DLGAP2: variants seen among roughly 807,000 people sequenced by gnomAD.
DLGAP2 encodes DLG associated protein 2.
A neutral mutation model predicts 100.3 loss-of-function variants in DLGAP2; 26 were observed. The ratio of observed to expected loss-of-function variants is 0.26; its 90% CI spans 0.19 to 0.36. DLGAP2 has a LOEUF of 0.36. Ranked by LOEUF, DLGAP2 falls within the 10% of genes least tolerant of loss-of-function variation. DLGAP2 has a pLI of 1.00. For synonymous variants in DLGAP2, 886 were observed against 630.1 expected (o/e 1.41, Z -6.08); for missense variants, 1,858 against 1,453.2 (o/e 1.28, Z -4.53).
intron 3 of DLGAP2, among the ~76,000 whole-genome samples, chr8:1,410,894 G>C (rs76057211): frequency 4.0e-5 from 6 of 151,046 alleles, no homozygotes; most frequent in African/African-American, 1.5e-4. Context: ...AAGGAAGGCT[G>C]AGCTCCTGGT....
chr8:1,672,214 G>T (rs1360419717), intron 10 of DLGAP2, among the ~76,000 whole-genome samples: 9 of 145,666 alleles, frequency 6.2e-5, no homozygotes, highest in African/African-American at 1.3e-4. Flanking sequence ...TTTTGTTGTT[G>T]TTTTTTATTT....
intron 3 of DLGAP2, among the ~76,000 whole-genome samples, chr8:1,477,863 G>C (rs1392017450): frequency 6.6e-6 from 1 of 151,764 alleles, no homozygotes; most frequent in East Asian, 1.9e-4. Context: ...CCTGATTCCA[G>C]ATGCCGGTGT....
intron 2 of DLGAP2, among the ~76,000 whole-genome samples, chr8:1,052,037 C>T (rs201816001): frequency 2.0e-5 from 3 of 152,182 alleles, no homozygotes; most frequent in Non-Finnish European, 2.9e-5. Context: ...AGGGAGAAAC[C>T]AGGCTCAACA....
intron 3 of DLGAP2, among the ~76,000 whole-genome samples, chr8:1,486,674 A>C (rs1308550766): frequency 6.6e-6 from 1 of 152,208 alleles, no homozygotes; most frequent in Non-Finnish European, 1.5e-5. Flanking sequence ...CCAACTCTAA[A>C]TAATATCTTA....
chr8:1,312,819 T>C (rs1315474268), intron 3 of DLGAP2, among the ~76,000 whole-genome samples: 1 of 152,136 alleles, frequency 6.6e-6, no homozygotes, highest in African/African-American at 2.4e-5. Flanking sequence ...GCAGGGTTTG[T>C]AGGAATGAAA....
At chr8:1,672,897 G>A (rs1165008105) in intron 10 of DLGAP2, among the ~76,000 whole-genome samples, 1 of 152,144 alleles carries the variant, frequency 6.6e-6, no homozygotes, top group African/African-American at 2.4e-5. Flanking sequence ...CTTGTTGGGA[G>A]AGCAAAGATT....
intron 3 of DLGAP2, among the ~76,000 whole-genome samples, chr8:1,261,915 G>A (rs1799358137): frequency 6.6e-6 from 1 of 152,208 alleles, no homozygotes; most frequent in Non-Finnish European, 1.5e-5. Context: ...CCAGAGGCTG[G>A]TGGCAGCGTG....
intron 2 of DLGAP2, among the ~76,000 whole-genome samples, chr8:941,712 C>T (rs574469578): frequency 1.1e-4 from 17 of 152,254 alleles, no homozygotes; most frequent in Middle Eastern, 6.8e-3. Flanking sequence ...ATTCTTTGTG[C>T]GGCTTTCTTT....
chr8:1,166,492 T>A (rs1162819185), intron 2 of DLGAP2, among the ~76,000 whole-genome samples: 2 of 152,254 alleles, frequency 1.3e-5, no homozygotes, highest in Non-Finnish European at 2.9e-5. Flanking sequence ...GTTTGATTTT[T>A]CTCCTCCTTT....
intron 2 of DLGAP2, among the ~76,000 whole-genome samples, chr8:1,055,878 A>G (rs1042874461): frequency 6.6e-6 from 1 of 152,156 alleles, no homozygotes; most frequent in East Asian, 1.9e-4. Context: ...TTTAATCTCT[A>G]TGGATCTCTG....
chr8:1,350,366 CGT>C (rs1563099200), intron 3 of DLGAP2, among the ~76,000 whole-genome samples: 2 of 54,052 alleles, frequency 3.7e-5, no homozygotes, highest in African/African-American at 1.3e-4. Context: ...GGAAAGGCCG[CGT>C]GGGTCCTGAC....
At chr8:927,070 T>C in intron 2 of DLGAP2, 1 of 985,168 alleles carries the variant, frequency 1.0e-6, no homozygotes, top group Non-Finnish European at 1.2e-6. Context: ...GTGGGAGAGA[T>C]CCTCGTGGGA....
chr8:993,642 C>G (rs1800693904), intron 2 of DLGAP2, among the ~76,000 whole-genome samples: 2 of 152,152 alleles, frequency 1.3e-5, no homozygotes, highest in Non-Finnish European at 2.9e-5. Context: ...TATCAAGCGT[C>G]TCCTTCATGG....
chr8:1,426,005 G>A (rs564285624), intron 3 of DLGAP2, among the ~76,000 whole-genome samples: 81 of 152,340 alleles, frequency 5.3e-4, no homozygotes, highest in African/African-American at 1.7e-3. Context: ...CACCTGCAAG[G>A]TGAATGCGTG....
At chr8:821,907 A>T (rs1378472259) in intron 1 of DLGAP2, among the ~76,000 whole-genome samples, 1 of 152,242 alleles carries the variant, frequency 6.6e-6, no homozygotes, top group Admixed American at 6.5e-5. Context: ...TCTGGTCTAC[A>T]AACAGTTGGT....
At chr8:1,539,148 A>T (rs1447782969) in intron 4 of DLGAP2, among the ~76,000 whole-genome samples, 2 of 152,060 alleles carry the variant, frequency 1.3e-5, no homozygotes, top group African/African-American at 4.8e-5. Flanking sequence ...AGCCTCCTAA[A>T]GTGCTGGGAT....
At chr8:766,339 C>T (rs1414564770) in intron 1 of DLGAP2, among the ~76,000 whole-genome samples, 1 of 152,236 alleles carries the variant, frequency 6.6e-6, no homozygotes, top group African/African-American at 2.4e-5. Flanking sequence ...CTGCACACCC[C>T]TTGTTGGTCA....
At chr8:1,322,021 T>C (rs967001449) in intron 3 of DLGAP2, among the ~76,000 whole-genome samples, 3 of 152,220 alleles carry the variant, frequency 2.0e-5, no homozygotes, top group South Asian at 4.1e-4. Context: ...TTTATATCTT[T>C]TGTAATCTCC....
At chr8:812,437 A>G (rs980929960) in intron 1 of DLGAP2, among the ~76,000 whole-genome samples, 1 of 152,158 alleles carries the variant, frequency 6.6e-6, no homozygotes, top group African/African-American at 2.4e-5. Context: ...CCAGACTCTC[A>G]GCATTGACTC....
Sources: allele counts gnomAD v4.1 joint callset (sites outside exome capture counted in the v4.1 genomes callset), GRCh38; gene constraint gnomAD v4.1.1; transcripts MANE v1.5; gene names NCBI Gene and HGNC (gene_info 2026-07-23, HGNC 2026-07-21).